DLGAP2: variants seen among roughly 807,000 people sequenced by gnomAD.
DLGAP2 encodes disks large-associated protein 2.
A neutral mutation model predicts 100.3 loss-of-function variants in DLGAP2; 26 were observed. That is an observed-to-expected ratio of 0.26 (90% CI 0.19 to 0.36). DLGAP2 has a LOEUF of 0.36. Among genes scored for constraint, DLGAP2 ranks in the 10% least tolerant of loss-of-function variants. The pLI is 1.00. For missense variants in DLGAP2, 1,858 were observed against 1,453.2 expected, an observed-to-expected ratio of 1.28 and a Z score of -4.53; for synonymous variants, 886 against 630.1, an observed-to-expected ratio of 1.41 and a Z score of -6.08.
intron 2 of DLGAP2, among the ~76,000 whole-genome samples, chr8:1,130,677 T>G (rs1796273345): frequency 6.6e-6 from 1 of 152,186 alleles, no homozygotes; most frequent in African/African-American, 2.4e-5. Context: ...TTCGTAACCA[T>G]AGCAACCAGC....
chr8:1,209,331 A>G (rs1292287387), intron 2 of DLGAP2, among the ~76,000 whole-genome samples: 2 of 152,132 alleles, frequency 1.3e-5, no homozygotes, highest in East Asian at 1.9e-4. Flanking sequence ...AGAATAGAGG[A>G]CCCAGAAATA....
intron 2 of DLGAP2, among the ~76,000 whole-genome samples, chr8:1,064,768 C>T (rs1396514356): frequency 1.3e-5 from 2 of 152,336 alleles, no homozygotes; most frequent in African/African-American, 4.8e-5. Context: ...TTTCCTCTCT[C>T]CTTTTATCCT....
At chr8:1,165,198 G>A (rs1017646333) in intron 2 of DLGAP2, among the ~76,000 whole-genome samples, 4 of 148,812 alleles carry the variant, frequency 2.7e-5, no homozygotes, top group African/African-American at 1.0e-4. Context: ...GGGAAGGAGG[G>A]AGGTAGAGGG....
At chr8:816,138 T>G (rs555222363) in intron 1 of DLGAP2, among the ~76,000 whole-genome samples, 1 of 152,324 alleles carries the variant, frequency 6.6e-6, no homozygotes, top group Admixed American at 6.5e-5. Flanking sequence ...CAGCAGAAAC[T>G]TGGTTGGTGA....
chr8:982,144 G>A (rs1041664532), intron 2 of DLGAP2, among the ~76,000 whole-genome samples: 5 of 152,300 alleles, frequency 3.3e-5, no homozygotes, highest in African/African-American at 1.2e-4. Context: ...CCAGTGGAGC[G>A]AGTGTGGACA....
At chr8:1,603,086 T>C (rs1180621628) in intron 6 of DLGAP2, among the ~76,000 whole-genome samples, 2 of 151,932 alleles carry the variant, frequency 1.3e-5, no homozygotes, top group Admixed American at 1.3e-4. Flanking sequence ...TGGGTCTCAG[T>C]TCTGCAGAGG....
At chr8:1,176,371 A>T (rs1336514581) in intron 2 of DLGAP2, among the ~76,000 whole-genome samples, 1 of 152,072 alleles carries the variant, frequency 6.6e-6, no homozygotes, top group Non-Finnish European at 1.5e-5. Context: ...TTGGGTGGGG[A>T]CACAGAGCCA....
At chr8:1,080,559 G>A (rs915136504) in intron 2 of DLGAP2, among the ~76,000 whole-genome samples, 18 of 152,170 alleles carry the variant, frequency 1.2e-4, no homozygotes, top group Admixed American at 9.8e-4. Flanking sequence ...CACGTCTGAA[G>A]TGGGGTGGGA....
chr8:1,036,370 C>T (rs955807256), intron 2 of DLGAP2, among the ~76,000 whole-genome samples: 8 of 152,350 alleles, frequency 5.3e-5, no homozygotes, highest in East Asian at 1.9e-4. Flanking sequence ...CAAGACCCCC[C>T]GACGTGTGGT....
chr8:779,295 C>T (rs1309040431), intron 1 of DLGAP2, among the ~76,000 whole-genome samples: 1 of 152,202 alleles, frequency 6.6e-6, no homozygotes, highest in South Asian at 2.1e-4. Context: ...AGAAATCACC[C>T]GTCTTCTGCC....
chr8:1,668,584 G>C lies in DLGAP2; in HGVS notation c.2066G>C (p.Ser689Thr). The part of the protein sequence containing the change: ...TAAAQRHLPE[S>T]QSSSVRTSDK... ...GCTGCCCAGCGCCACCTGCCAGAGAGCCAGAGCAGCTCTGTGCGGACCAGC... is the reference window on the plus strand; with the variant it reads ...GCTGCCCAGCGCCACCTGCCAGAGACCCAGAGCAGCTCTGTGCGGACCAGC... The change falls in exon 9 of 15, where the codon AGC (serine) becomes ACC (threonine). Residue 689 changes from serine to threonine, a missense_variant. By Grantham distance (58) the Ser-to-Thr change is moderately conservative (BLOSUM62 1). Transcript: ENST00000637795. 5 of 1,597,414 alleles carry C rather than the reference G, an allele frequency of 3.1e-6. No individual in the cohort carries two copies. Among genetic ancestry groups the C allele is most frequent in the Non-Finnish European group, 4.3e-6 (5 of 1,172,966 alleles).
intron 3 of DLGAP2, among the ~76,000 whole-genome samples, chr8:1,447,293 T>G (rs1216063585): frequency 6.6e-6 from 1 of 152,226 alleles, no homozygotes; most frequent in African/African-American, 2.4e-5. Context: ...GTTTTTAGCA[T>G]GAAGGTTGTT....
rs1435397029 is a variant in DLGAP2, at chr8:1,691,483, T to C, written c.2705-52T>C. 8 of 1,495,662 alleles carry C rather than the reference T, an allele frequency of 5.3e-6. No individual in the cohort carries two copies. In the South Asian group the frequency reaches 7.1e-5, roughly 13 times the overall value. 92.6% of individuals were successfully genotyped at this position (1,495,662 alleles called of 1,614,324 possible). A position where few individuals can be genotyped will look rare whatever the true frequency, so the allele number is the denominator to read the frequency against. On this transcript the variant is annotated intron_variant, in intron 12 of 14. Coordinates refer to ENST00000637795, the MANE Select transcript of DLGAP2 (RefSeq NM_001346810.2). The stretch of plus-strand genomic sequence containing the variant: ...TGTGATGTTTCTGCTTTTGTGTAAT[T>C]GACCCAGTTTTGAAGTTGTTGTTTT...
At chr8:1,202,174 C>G (rs1797892078) in intron 2 of DLGAP2, among the ~76,000 whole-genome samples, 1 of 151,644 alleles carries the variant, frequency 6.6e-6, no homozygotes, top group Non-Finnish European at 1.5e-5. Flanking sequence ...ATCTGTGTAT[C>G]TGTGTGCGTG....
intron 4 of DLGAP2, among the ~76,000 whole-genome samples, chr8:1,531,274 T>G (rs1009246604): frequency 1.6e-5 from 2 of 123,366 alleles, no homozygotes; most frequent in Non-Finnish European, 3.3e-5. Flanking sequence ...GTGTGTGTGT[T>G]CAGGTTCTTA....
At chr8:1,463,252 A>G (rs1168784738) in intron 3 of DLGAP2, among the ~76,000 whole-genome samples, 2 of 152,220 alleles carry the variant, frequency 1.3e-5, no homozygotes, top group Non-Finnish European at 2.9e-5. Flanking sequence ...CTGTCTCAAA[A>G]AAACAAAAGA....
intron 10 of DLGAP2, among the ~76,000 whole-genome samples, chr8:1,676,199 G>A (rs1397337730): frequency 1.3e-5 from 2 of 152,152 alleles, no homozygotes; most frequent in Admixed American, 6.5e-5. Flanking sequence ...ACCATAGGGC[G>A]TGATAAGAGC....
chr8:1,453,092 C>T (rs1404943740), intron 3 of DLGAP2, among the ~76,000 whole-genome samples: 3 of 151,924 alleles, frequency 2.0e-5, no homozygotes, highest in African/African-American at 7.3e-5. Flanking sequence ...AAGAGAAATC[C>T]CTTGTAGAGG....
intron 2 of DLGAP2, among the ~76,000 whole-genome samples, chr8:1,180,165 T>G (rs989065515): frequency 1.3e-5 from 2 of 152,204 alleles, no homozygotes; most frequent in African/African-American, 4.8e-5. Flanking sequence ...ACTGAGGACG[T>G]AAATTACACT....
Sources: gnomAD v4.1 joint callset for allele counts (sites outside exome capture counted in the v4.1 genomes callset) on GRCh38, gnomAD v4.1.1 for gene constraint, MANE v1.5 for transcripts, NCBI Gene and HGNC (gene_info 2026-07-23, HGNC 2026-07-21) for gene names.